The following SMYD3 variants were observed in gnomAD, a reference collection of about 807,000 sequenced individuals.
The protein encoded by SMYD3 is histone-lysine N-methyltransferase SMYD3.
A neutral mutation model predicts 57.7 loss-of-function variants in SMYD3; 36 were observed. The ratio of observed to expected loss-of-function variants is 0.62; its 90% CI spans 0.48 to 0.82. The LOEUF (loss-of-function observed/expected upper bound fraction) is 0.82, where lower values mean the gene tolerates loss of function less well. SMYD3 is among the 40% of genes least tolerant of loss of function. SMYD3 has a pLI of 0.00. For missense variants in SMYD3, 515 were observed against 538.8 expected, an observed-to-expected ratio of 0.96 and a Z score of 0.44; for synonymous variants, 211 against 195.0, an observed-to-expected ratio of 1.08 and a Z score of -0.68.
intron 1 of SMYD3, among the ~76,000 whole-genome samples, chr1:246,375,626 A>G (rs1170650450): frequency 6.6e-6 from 1 of 152,170 alleles, no homozygotes; most frequent in Non-Finnish European, 1.5e-5. Context: ...TTTCTAGTCA[A>G]ATAGAGCAGC....
At chr1:245,970,663 A>G (rs1190365265) in intron 5 of SMYD3, among the ~76,000 whole-genome samples, 1 of 152,250 alleles carries the variant, frequency 6.6e-6, no homozygotes, top group Non-Finnish European at 1.5e-5. Flanking sequence ...GACACTTCTC[A>G]AAAGAAGACA....
At chr1:246,469,425 A>G (rs139972824) in intron 1 of SMYD3, among the ~76,000 whole-genome samples, 43 of 152,312 alleles carry the variant, frequency 2.8e-4, no homozygotes, top group Admixed American at 1.4e-3. Context: ...GTACAACATA[A>G]GCCTGGAACA....
intron 5 of SMYD3, among the ~76,000 whole-genome samples, chr1:246,096,982 A>G (rs2060926595): frequency 6.6e-6 from 1 of 152,138 alleles, no homozygotes; most frequent in African/African-American, 2.4e-5. Flanking sequence ...TAATCCAGTA[A>G]TCTATAATCC....
intron 5 of SMYD3, among the ~76,000 whole-genome samples, chr1:246,194,122 G>A (rs1572192489): frequency 1.3e-5 from 2 of 152,256 alleles, no homozygotes; most frequent in Admixed American, 1.3e-4. Flanking sequence ...ATGAGCAATG[G>A]CACTATACTG....
At chr1:246,047,754 G>A (rs557285081) in intron 5 of SMYD3, among the ~76,000 whole-genome samples, 17 of 152,028 alleles carry the variant, frequency 1.1e-4, no homozygotes, top group East Asian at 5.8e-4. Context: ...CAGGAGGATC[G>A]CCTGAGTCAA....
At chr1:246,019,991 T>C (rs1238869992) in intron 5 of SMYD3, among the ~76,000 whole-genome samples, 4 of 152,226 alleles carry the variant, frequency 2.6e-5, no homozygotes, top group Non-Finnish European at 5.9e-5. Flanking sequence ...TTCTTGGTTA[T>C]AGACTTGTTA....
At chr1:246,398,890 C>T (rs1301788405) in intron 1 of SMYD3, among the ~76,000 whole-genome samples, 2 of 152,170 alleles carry the variant, frequency 1.3e-5, no homozygotes, top group African/African-American at 4.8e-5. Context: ...AACACCCAGC[C>T]CTCTTTCTAC....
chr1:246,179,562 G>A (rs923800712), intron 5 of SMYD3, among the ~76,000 whole-genome samples: 3 of 152,064 alleles, frequency 2.0e-5, no homozygotes, highest in Non-Finnish European at 2.9e-5. Context: ...TGATTTATTC[G>A]GATTCACTAG....
chr1:246,082,637 T>C (rs2060654570), intron 5 of SMYD3, among the ~76,000 whole-genome samples: 1 of 152,162 alleles, frequency 6.6e-6, no homozygotes, highest in African/African-American at 2.4e-5. Flanking sequence ...CTGCATTAAT[T>C]AAACTCTTTC....
intron 5 of SMYD3, among the ~76,000 whole-genome samples, chr1:245,966,966 G>A (rs925811475): frequency 3.9e-5 from 6 of 152,074 alleles, no homozygotes; most frequent in African/African-American, 1.4e-4. Context: ...CACCACTGTA[G>A]GCACTCAGAT....
At chr1:246,095,458 G>T (rs889456396) in intron 5 of SMYD3, among the ~76,000 whole-genome samples, 3 of 152,240 alleles carry the variant, frequency 2.0e-5, no homozygotes, top group African/African-American at 7.2e-5. Context: ...ATAAGGTGCA[G>T]ACAAGCTTCT....
intron 5 of SMYD3, among the ~76,000 whole-genome samples, chr1:246,055,374 A>T (rs1028546099): frequency 1.3e-5 from 2 of 152,112 alleles, no homozygotes; most frequent in African/African-American, 4.8e-5. Context: ...GAGGCAGGAG[A>T]CTCATTTGAG....
rs543055261 is a variant in SMYD3, at chr1:246,297,255, C to T, written c.531+29946G>A. Reference sequence around the variant, plus strand: ...CATGGAGGTGAAACAAACAAGGTGACAGAGGTATCTTCAAAGTCATAAAAG... The same window carrying T: ...CATGGAGGTGAAACAAACAAGGTGATAGAGGTATCTTCAAAGTCATAAAAG... On this transcript the variant is annotated intron_variant, in intron 5 of 11. Coordinates refer to ENST00000490107, the MANE Select transcript of SMYD3 (RefSeq NM_001167740.2). Among the ~76,000 whole-genome samples the T allele has an allele frequency of 3.3e-5, 5 of 152,228 alleles. No homozygotes were observed. In the East Asian group the frequency reaches 9.6e-4, roughly 29 times the overall value.
intron 5 of SMYD3, among the ~76,000 whole-genome samples, chr1:245,949,819 A>G (rs2057557929): frequency 2.3e-5 from 2 of 85,608 alleles, no homozygotes; most frequent in South Asian, 7.1e-4. Context: ...CAAAAAAAAG[A>G]AACCCACCCC....
intron 5 of SMYD3, among the ~76,000 whole-genome samples, chr1:246,038,599 GA>G (rs1376800418): frequency 1.3e-5 from 2 of 152,138 alleles, no homozygotes; most frequent in African/African-American, 4.8e-5. Flanking sequence ...AAGAAAATTA[GA>G]AAAGTGTTTT....
chr1:245,762,360 C>T (rs947069445), intron 11 of SMYD3, among the ~76,000 whole-genome samples: 4 of 152,188 alleles, frequency 2.6e-5, no homozygotes, highest in African/African-American at 9.6e-5. Context: ...AGTCTGATCA[C>T]TTACGAACAT....
chr1:246,342,649 T>C (rs1023621993), intron 2 of SMYD3, among the ~76,000 whole-genome samples: 2 of 152,184 alleles, frequency 1.3e-5, no homozygotes, highest in African/African-American at 2.4e-5. Context: ...CTGAATGCTG[T>C]ATCAAATGTA....
chr1:246,164,105 T>C (rs1423520543), intron 5 of SMYD3, among the ~76,000 whole-genome samples: 1 of 152,126 alleles, frequency 6.6e-6, no homozygotes, highest in Non-Finnish European at 1.5e-5. Context: ...TTAGCTGGTT[T>C]CTCCCAACTT....
At chr1:246,392,977 C>T (rs10802398) in intron 1 of SMYD3, among the ~76,000 whole-genome samples, 58,228 of 151,824 alleles carry the variant, frequency 0.38, 11,412 homozygotes, top group East Asian at 0.49. Context: ...GTTTAAAAAA[C>T]AGAGAATACA....
Sources: gnomAD v4.1 joint callset for allele counts (sites outside exome capture counted in the v4.1 genomes callset) on GRCh38, gnomAD v4.1.1 for gene constraint, MANE v1.5 for transcripts, NCBI Gene and HGNC (gene_info 2026-07-23, HGNC 2026-07-21) for gene names.